FGF12: variants seen among roughly 807,000 people sequenced by gnomAD.
FGF12 encodes fibroblast growth factor 12.
In FGF12, 14 loss-of-function variants were observed where a neutral mutation model predicts 23.6. The observed-to-expected ratio is 0.59, with a 90% CI of 0.39 to 0.93. The LOEUF is 0.93. Among genes scored for constraint, FGF12 ranks in the 40% least tolerant of loss-of-function variants. The pLI is 0.00. For synonymous variants in FGF12, 62 were observed against 77.3 expected (o/e 0.80, Z 1.04); for missense variants, 175 against 217.8 (o/e 0.80, Z 1.24).
chr3:192,669,773 G>T (rs1717041799), intron 2 of FGF12, among the ~76,000 whole-genome samples: 1 of 151,748 alleles, frequency 6.6e-6, no homozygotes, highest in Non-Finnish European at 1.5e-5. Context: ...TTTTCCAGAG[G>T]CTCCATGACA....
intron 2 of FGF12, among the ~76,000 whole-genome samples, chr3:192,629,863 G>A (rs74694685): frequency 3.3e-5 from 5 of 152,110 alleles, no homozygotes; most frequent in East Asian, 1.9e-4. Flanking sequence ...CACAATCTGC[G>A]AGGATATAAC....
At chr3:192,171,955 A>G (rs1715592374) in intron 4 of FGF12, among the ~76,000 whole-genome samples, 1 of 145,200 alleles carries the variant, frequency 6.9e-6, no homozygotes, top group Non-Finnish European at 1.5e-5. Flanking sequence ...TATGTTGCAT[A>G]GGCTGGCCTC....
rs1713507130 is a variant in FGF12 at position 192,143,248 on chromosome 3, A to C, written c.*761T>G. 6.6e-6 allele frequency: 1 copy of C among 151,730 alleles called. No individual in the cohort carries two copies. 9.4% of individuals were successfully genotyped at this position (151,730 alleles called of 1,614,324 possible). On this transcript the variant is annotated 3_prime_UTR_variant, in exon 6 of 6. Coordinates refer to ENST00000445105, the MANE Select transcript of FGF12 (RefSeq NM_004113.6). ...AAAAAAAAAAAAAAAGAAAGAAAGA[A>C]GAACTCCGGAAATAATATCTTTGAT... is the stretch of plus-strand genomic sequence containing the variant.
Position 192,336,891 on chromosome 3 carries a change from C to G in FGF12, c.125-1427G>C, listed in dbSNP as rs1038022442. On this transcript the variant is annotated intron_variant, in intron 3 of 5. Transcript: ENST00000445105. The surrounding 1 kb of genome is among the most constrained non-coding windows in gnomAD (Gnocchi z 4.3). ...GTCTTAGACCACAAGTTTAGTAGAA[C>G]AGGATTCCATTCTTAGCTGTCGACA... Among the ~76,000 whole-genome samples the G allele has an allele frequency of 7.2e-5, 11 of 152,110 alleles. No homozygotes were observed. Among genetic ancestry groups the G allele is most frequent in the Admixed American group, 5.9e-4 (9 of 15,244 alleles).
At chr3:192,349,872 T>C (rs73068543) in intron 3 of FGF12, among the ~76,000 whole-genome samples, 304 of 152,244 alleles carry the variant, frequency 2.0e-3, no homozygotes, top group African/African-American at 6.9e-3. Flanking sequence ...GTTCTGTGAA[T>C]TCACTTTCAT....
At chr3:192,174,758 A>C (rs1373131087) in intron 4 of FGF12, among the ~76,000 whole-genome samples, 1 of 151,536 alleles carries the variant, frequency 6.6e-6, no homozygotes, top group Non-Finnish European at 1.5e-5. Context: ...AAAAAAAAAA[A>C]TCAGGGTTTT....
chr3:192,696,853 T>G (rs1384576478), intron 2 of FGF12, among the ~76,000 whole-genome samples: 2 of 151,912 alleles, frequency 1.3e-5, no homozygotes, highest in Admixed American at 6.6e-5. Flanking sequence ...AAGGCCACAC[T>G]AGATTGAAGA....
intron 2 of FGF12, chr3:192,516,477 A>G (rs1724672274): frequency 6.6e-6 from 1 of 152,246 alleles, no homozygotes; most frequent in South Asian, 2.1e-4. Flanking sequence ...TTTCTCTTAT[A>G]TAGGCTAAAC....
Position 192,335,468 on chromosome 3 carries a change from G to A in FGF12, c.125-4C>T, listed in dbSNP as rs373514555. On this transcript the variant is annotated splice_polypyrimidine_tract_variant and splice_region_variant and intron_variant, in intron 3 of 5. Transcript: ENST00000445105. ...ACGGGAATTAGATTGAAGAGAGCTG[G>A]GGGGAGAAAAAGAAGGGCGGAAAGG... 1.8e-5 allele frequency: 29 copies of A among 1,600,810 alleles called. No homozygotes were observed. Among genetic ancestry groups the A allele is most frequent in the Non-Finnish European group, 2.4e-5 (28 of 1,168,712 alleles).
At chr3:192,205,561 A>G (rs1399594103) in intron 4 of FGF12, among the ~76,000 whole-genome samples, 1 of 152,210 alleles carries the variant, frequency 6.6e-6, no homozygotes, top group Non-Finnish European at 1.5e-5. Context: ...CCCAGCAAGA[A>G]GAGACTAGCA....
At chr3:192,516,942 G>A (rs1208622676) in intron 2 of FGF12, 4 of 152,322 alleles carry the variant, frequency 2.6e-5, no homozygotes, top group African/African-American at 9.6e-5. Flanking sequence ...CCCCACAGAG[G>A]GAGAGACAAT....
At chr3:192,389,023 T>C (rs1439040206) in intron 2 of FGF12, among the ~76,000 whole-genome samples, 2 of 152,144 alleles carry the variant, frequency 1.3e-5, no homozygotes, top group Non-Finnish European at 2.9e-5. Flanking sequence ...AGGATACTCT[T>C]ACAACGAAAC....
chr3:192,207,718 G>A (rs1717727900), intron 4 of FGF12, among the ~76,000 whole-genome samples: 1 of 152,176 alleles, frequency 6.6e-6, no homozygotes, highest in Non-Finnish European at 1.5e-5. Context: ...ATCCAGCAGA[G>A]GTTTTTAGCA....
At chr3:192,653,647 T>C (rs1423785270) in intron 2 of FGF12, among the ~76,000 whole-genome samples, 1 of 151,662 alleles carries the variant, frequency 6.6e-6, no homozygotes, top group Non-Finnish European at 1.5e-5. Context: ...TAATTAAAAA[T>C]ACAACAGATC....
At chr3:192,484,369 C>T (rs1159979061) in intron 2 of FGF12, among the ~76,000 whole-genome samples, 4 of 150,512 alleles carry the variant, frequency 2.7e-5, no homozygotes, top group Admixed American at 1.3e-4. Flanking sequence ...CTAGAGCTTG[C>T]TCTAGAACCT....
intron 4 of FGF12, among the ~76,000 whole-genome samples, chr3:192,324,365 A>G (rs905270748): frequency 2.0e-5 from 3 of 152,062 alleles, no homozygotes; most frequent in African/African-American, 7.2e-5. Context: ...ATCCTACAGA[A>G]ACTTTATGGA....
intron 4 of FGF12, among the ~76,000 whole-genome samples, chr3:192,324,126 C>T (rs1319915030): frequency 2.0e-5 from 3 of 151,792 alleles, no homozygotes; most frequent in Non-Finnish European, 4.4e-5. Flanking sequence ...AATAAAATAT[C>T]ATATGTACCC....
intron 2 of FGF12, among the ~76,000 whole-genome samples, chr3:192,378,403 G>A (rs973439771): frequency 2.1e-5 from 3 of 142,548 alleles, no homozygotes; most frequent in Non-Finnish European, 4.4e-5. Flanking sequence ...GAGCCACTGT[G>A]CCTGGTCTCC....
At chr3:192,529,304 C>T (rs1725029208) in intron 2 of FGF12, among the ~76,000 whole-genome samples, 1 of 152,212 alleles carries the variant, frequency 6.6e-6, no homozygotes, top group Non-Finnish European at 1.5e-5. Flanking sequence ...AGTCTCTTTG[C>T]TAACACATAA....
Sources: allele counts gnomAD v4.1 joint callset (sites outside exome capture counted in the v4.1 genomes callset), GRCh38; gene constraint gnomAD v4.1.1; non-coding constraint Gnocchi (gnomAD v3.1); transcripts MANE v1.5; gene names NCBI Gene and HGNC (gene_info 2026-07-23, HGNC 2026-07-21).